NTRK2: variants seen among roughly 807,000 people sequenced by gnomAD.
NTRK2 encodes neurotrophic receptor tyrosine kinase 2, also known as BDNF/NT-3 growth factors receptor.
In NTRK2, 13 loss-of-function variants were observed where a neutral mutation model predicts 94.5. The ratio of observed to expected loss-of-function variants is 0.14; its 90% confidence interval spans 0.09 to 0.22. NTRK2 has a LOEUF of 0.22. NTRK2 is among the 10% of genes least tolerant of loss of function. The pLI is 1.00. For synonymous variants in NTRK2, 372 were observed against 407.4 expected (o/e 0.91, Z 1.05); for missense variants, 639 against 1,071.2 (o/e 0.60, Z 5.63).
intron 8 of NTRK2, among the ~76,000 whole-genome samples, chr9:84,726,210 G>GGT (rs1173225891): frequency 3.9e-5 from 6 of 152,232 alleles, no homozygotes. Context: ...CAACTGGCTG[G>GGT]GTGTGGTGGC....
intron 11 of NTRK2, among the ~76,000 whole-genome samples, chr9:84,750,866 T>A (rs552240609): frequency 6.6e-6 from 1 of 152,204 alleles, no homozygotes; most frequent in South Asian, 2.1e-4. Flanking sequence ...TAGAGGAGCA[T>A]CATGCCTTGG....
At chr9:84,828,272 G>T (rs10114276) in intron 12 of NTRK2, among the ~76,000 whole-genome samples, 1 of 152,032 alleles carries the variant, frequency 6.6e-6, no homozygotes, top group Non-Finnish European at 1.5e-5. Context: ...AGGCCTCTTT[G>T]TGCACACCTC....
At chr9:84,880,004 T>C (rs2076207956) in intron 14 of NTRK2, among the ~76,000 whole-genome samples, 1 of 152,244 alleles carries the variant, frequency 6.6e-6, no homozygotes, top group Non-Finnish European at 1.5e-5. Context: ...TGATCATGAA[T>C]ATAAAGCCGT....
intron 12 of NTRK2, among the ~76,000 whole-genome samples, chr9:84,783,384 T>C (rs2067798137): frequency 6.6e-6 from 1 of 152,252 alleles, no homozygotes; most frequent in Admixed American, 6.5e-5. Context: ...GACTTGGCTC[T>C]GAATAATTCT....
chr9:84,844,353 T>C (rs1003328919), intron 12 of NTRK2, among the ~76,000 whole-genome samples: 3 of 152,198 alleles, frequency 2.0e-5, no homozygotes, highest in Non-Finnish European at 4.4e-5. Context: ...TAATGGGCTT[T>C]ATATTTATAA....
intron 2 of NTRK2, among the ~76,000 whole-genome samples, chr9:84,688,558 T>A (rs1452098246): frequency 6.6e-6 from 1 of 152,172 alleles, no homozygotes; most frequent in Non-Finnish European, 1.5e-5. Context: ...AAAGCATAGA[T>A]CTGTCCCCAG....
chr9:84,873,285 G>A (rs200210404), intron 14 of NTRK2: 102 of 1,059,396 alleles, frequency 9.6e-5, no homozygotes, highest in Non-Finnish European at 1.1e-4. Flanking sequence ...GGAGTTGTTT[G>A]TATGCCTTGG....
intron 14 of NTRK2, among the ~76,000 whole-genome samples, chr9:84,919,961 A>C (rs1188440358): frequency 1.3e-5 from 2 of 152,298 alleles, no homozygotes; most frequent in African/African-American, 4.8e-5. Context: ...TAGTTAGTTG[A>C]TGGCCACAAT....
chr9:84,913,076 T>C (rs1316786840), intron 14 of NTRK2, among the ~76,000 whole-genome samples: 1 of 152,214 alleles, frequency 6.6e-6, no homozygotes, highest in East Asian at 1.9e-4. Context: ...GTTTGCCATT[T>C]TATTTTTTGT....
chr9:84,878,609 GGC>G (rs1280432079), intron 14 of NTRK2, among the ~76,000 whole-genome samples: 1 of 150,272 alleles, frequency 6.7e-6, no homozygotes, highest in African/African-American at 2.5e-5. Flanking sequence ...ACTCCAGCCT[GGC>G]GACAGAAAGA....
intron 14 of NTRK2, among the ~76,000 whole-genome samples, chr9:84,919,828 A>G (rs2077507176): frequency 6.6e-6 from 1 of 152,182 alleles, no homozygotes; most frequent in Non-Finnish European, 1.5e-5. Context: ...TATTAGGATT[A>G]CCATTCTGTT....
chr9:84,975,045 G>A (rs11791090), intron 17 of NTRK2, among the ~76,000 whole-genome samples: 7,461 of 152,180 alleles, frequency 0.049, 212 homozygotes, highest in Non-Finnish European at 0.067. Context: ...TGCCCTCGGC[G>A]GCTCTGGGAG....
intron 12 of NTRK2, among the ~76,000 whole-genome samples, chr9:84,798,555 A>T (rs2069924062): frequency 6.6e-6 from 1 of 152,120 alleles, no homozygotes; most frequent in Admixed American, 6.6e-5. Flanking sequence ...CCTCTCAGAA[A>T]CTTACCTTCC....
At chr9:84,912,619 T>TG (rs2077271087) in intron 14 of NTRK2, among the ~76,000 whole-genome samples, 1 of 127,130 alleles carries the variant, frequency 7.9e-6, no homozygotes, top group Non-Finnish European at 1.6e-5. Flanking sequence ...GCCTTTTTTT[T>TG]TTTTTTTTTT....
At chr9:84,728,281 T>C in intron 9 of NTRK2, among the ~76,000 whole-genome samples, 1 of 152,152 alleles carries the variant, frequency 6.6e-6, no homozygotes, top group East Asian at 1.9e-4. Context: ...TCAGCTTATC[T>C]GCCATTGGCC....
chr9:84,794,755 T>A (rs1013316493), intron 12 of NTRK2, among the ~76,000 whole-genome samples: 4 of 152,192 alleles, frequency 2.6e-5, no homozygotes, highest in Non-Finnish European at 5.9e-5. Context: ...TTTGGGAGTC[T>A]AGGACAGAGG....
chr9:84,806,306 C>G (rs1041676875), intron 12 of NTRK2, among the ~76,000 whole-genome samples: 3 of 152,184 alleles, frequency 2.0e-5, no homozygotes, highest in African/African-American at 7.2e-5. Flanking sequence ...CAGGAGAAGG[C>G]TTTTGCACTG....
intron 14 of NTRK2, among the ~76,000 whole-genome samples, chr9:84,918,980 C>A (rs1013376326): frequency 2.6e-5 from 4 of 152,134 alleles, no homozygotes. Context: ...CTCCCATCTG[C>A]TTATACAATC....
chr9:84,956,347 C>G (rs143732584), intron 17 of NTRK2, among the ~76,000 whole-genome samples: 130 of 152,272 alleles, frequency 8.5e-4, no homozygotes, highest in African/African-American at 3.0e-3. Flanking sequence ...GACTCAGATC[C>G]ACTGATGACC....
Sources: gnomAD v4.1 joint callset for allele counts (sites outside exome capture counted in the v4.1 genomes callset) on GRCh38, gnomAD v4.1.1 for gene constraint, MANE v1.5 for transcripts, NCBI Gene and HGNC (gene_info 2026-07-23, HGNC 2026-07-21) for gene names.